Variants in NTM observed in about 807,000 individuals in gnomAD.
The protein encoded by NTM is IgLON family member 2.
In NTM, 13 loss-of-function variants were observed where a neutral mutation model predicts 42.1. That is an observed-to-expected ratio of 0.31 (90% CI 0.20 to 0.49). The LOEUF is 0.49. Among genes scored for constraint, NTM ranks in the 20% least tolerant of loss-of-function variants. The pLI, the probability that NTM is intolerant of heterozygous loss-of-function variation, is 0.99. For missense variants in NTM, 373 were observed against 452.8 expected, an observed-to-expected ratio of 0.82 and a Z score of 1.60; for synonymous variants, 187 against 179.2, an observed-to-expected ratio of 1.04 and a Z score of -0.35.
chr11:131,683,388 C>T (rs562258144), intron 1 of NTM, among the ~76,000 whole-genome samples: 3 of 152,210 alleles, frequency 2.0e-5, no homozygotes, highest in Non-Finnish European at 4.4e-5. Context: ...ACAACCTCTG[C>T]CCTCCAGCTC....
chr11:132,283,934 C>T (rs955033281), intron 4 of NTM, among the ~76,000 whole-genome samples: 1 of 152,156 alleles, frequency 6.6e-6, no homozygotes, highest in Non-Finnish European at 1.5e-5. Flanking sequence ...CAGTGATTCC[C>T]TCCATCCCGC....
chr11:132,000,991 G>A (rs1038301575), intron 2 of NTM, among the ~76,000 whole-genome samples: 2 of 152,178 alleles, frequency 1.3e-5, no homozygotes, highest in Admixed American at 6.5e-5. Flanking sequence ...ATAGAACAGC[G>A]TGGTATGTGT....
At chr11:132,213,476 G>A (rs1373235437) in intron 4 of NTM, among the ~76,000 whole-genome samples, 2 of 151,720 alleles carry the variant, frequency 1.3e-5, no homozygotes, top group South Asian at 2.1e-4. Context: ...AGACACAGGG[G>A]GCTGACCACC....
chr11:132,189,558 G>C (rs1300294599), intron 3 of NTM, among the ~76,000 whole-genome samples: 1 of 152,102 alleles, frequency 6.6e-6, no homozygotes, highest in African/African-American at 2.4e-5. Context: ...TCCAAAGCAT[G>C]TTGACACTCT....
intron 1 of NTM, among the ~76,000 whole-genome samples, chr11:131,699,909 GGTGTGTGT>G (rs10577927): frequency 0.032 from 4,123 of 130,498 alleles, 93 homozygotes; most frequent in African/African-American, 0.066. Context: ...CAAAGCAGCA[GGTGTGTGT>G]GTGTGTGTGT....
chr11:131,675,793 A>G (rs1338566948), intron 1 of NTM, among the ~76,000 whole-genome samples: 1 of 152,162 alleles, frequency 6.6e-6, no homozygotes, highest in Non-Finnish European at 1.5e-5. Context: ...GTCGTCTCAG[A>G]TGAAGGTGAC....
chr11:131,579,175 T>G (rs904524823), intron 1 of NTM, among the ~76,000 whole-genome samples: 5 of 152,098 alleles, frequency 3.3e-5, no homozygotes, highest in African/African-American at 1.2e-4. Context: ...TGGACCCTGC[T>G]CTGAGGAGCA....
At chr11:131,609,033 C>T (rs921605573) in intron 1 of NTM, among the ~76,000 whole-genome samples, 2 of 152,306 alleles carry the variant, frequency 1.3e-5, no homozygotes, top group Middle Eastern at 3.4e-3. Context: ...TAGGCCTATT[C>T]GCATGCCCAA....
At chr11:131,466,962 C>T (rs1231136861) in intron 1 of NTM, among the ~76,000 whole-genome samples, 5 of 152,214 alleles carry the variant, frequency 3.3e-5, no homozygotes, top group African/African-American at 7.2e-5. Flanking sequence ...CTGACACACA[C>T]GTGTGCACAC....
At chr11:132,147,583 T>G (rs908971543) in intron 3 of NTM, among the ~76,000 whole-genome samples, 1 of 152,122 alleles carries the variant, frequency 6.6e-6, no homozygotes, top group Non-Finnish European at 1.5e-5. Context: ...CTTTTGTAAT[T>G]TTTAAAATTT....
intron 1 of NTM, among the ~76,000 whole-genome samples, chr11:131,587,944 C>T (rs2137251818): frequency 6.6e-6 from 1 of 152,296 alleles, no homozygotes; most frequent in East Asian, 1.9e-4. Context: ...TGACCCATAG[C>T]TGAGCATCAA....
intron 1 of NTM, among the ~76,000 whole-genome samples, chr11:131,556,389 A>C (rs2055415106): frequency 6.6e-6 from 1 of 152,206 alleles, no homozygotes; most frequent in Non-Finnish European, 1.5e-5. Context: ...TTAATGCTTC[A>C]GGTTACACTT....
At chr11:131,643,689 A>G (rs2065419279) in intron 1 of NTM, among the ~76,000 whole-genome samples, 1 of 152,164 alleles carries the variant, frequency 6.6e-6, no homozygotes, top group South Asian at 2.1e-4. Context: ...AAAAATACGC[A>G]TTGACTTCCT....
At chr11:131,524,936 A>T (rs1436729087) in intron 1 of NTM, among the ~76,000 whole-genome samples, 1 of 152,226 alleles carries the variant, frequency 6.6e-6, no homozygotes, top group Non-Finnish European at 1.5e-5. Context: ...TGGCACTGTC[A>T]TGAGGATTGA....
intron 1 of NTM, among the ~76,000 whole-genome samples, chr11:131,456,292 G>A (rs936851006): frequency 2.4e-4 from 36 of 152,186 alleles, no homozygotes; most frequent in Non-Finnish European, 2.8e-4. Context: ...CAGAAACCAG[G>A]CTAGCAGAGA....
intron 1 of NTM, among the ~76,000 whole-genome samples, chr11:131,803,239 C>T (rs2092274217): frequency 6.6e-6 from 1 of 152,128 alleles, no homozygotes; most frequent in South Asian, 2.1e-4. Context: ...CATCTTTTGC[C>T]ACCTGTTTCC....
At chr11:131,967,269 GAGAAT>G (rs1215515149) in intron 2 of NTM, among the ~76,000 whole-genome samples, 3 of 152,186 alleles carry the variant, frequency 2.0e-5, no homozygotes, top group Non-Finnish European at 4.4e-5. Context: ...TCATCAGATG[GAGAAT>G]AGAAGAGGTC....
intron 2 of NTM, among the ~76,000 whole-genome samples, chr11:131,963,853 C>T (rs1354126352): frequency 1.3e-5 from 2 of 152,180 alleles, no homozygotes; most frequent in East Asian, 3.9e-4. Flanking sequence ...GAGGTAGATA[C>T]TGTGGCTATC....
intron 2 of NTM, among the ~76,000 whole-genome samples, chr11:132,085,286 G>A (rs1474266462): frequency 3.3e-5 from 5 of 152,122 alleles, no homozygotes; most frequent in South Asian, 2.1e-4. Context: ...GTACTTCTTA[G>A]CAATTTTTAA....
Sources: gnomAD v4.1 joint callset for allele counts (sites outside exome capture counted in the v4.1 genomes callset) on GRCh38, gnomAD v4.1.1 for gene constraint, MANE v1.5 for transcripts, NCBI Gene and HGNC (gene_info 2026-07-23, HGNC 2026-07-21) for gene names.